GPD2: variants seen among roughly 807,000 people sequenced by gnomAD.
GPD2 encodes glycerol-3-phosphate dehydrogenase 2, also known as glycerol-3-phosphate dehydrogenase, mitochondrial.
A neutral mutation model predicts 82.4 loss-of-function variants in GPD2; 54 were observed. That is an observed-to-expected ratio of 0.66 (90% confidence interval 0.53 to 0.82). GPD2 has a LOEUF of 0.82. GPD2 is among the 40% of genes least tolerant of loss of function. The pLI is 0.00. For synonymous variants in GPD2, 288 were observed against 306.1 expected, an observed-to-expected ratio of 0.94 and a Z score of 0.62; for missense variants, 748 against 896.2, an observed-to-expected ratio of 0.83 and a Z score of 2.11.
chr2:156,472,421 A>G (rs1683364650), intron 1 of GPD2, among the ~76,000 whole-genome samples: 1 of 152,112 alleles, frequency 6.6e-6, no homozygotes. Flanking sequence ...CCGAGGCTCA[A>G]GGGATTCTCT....
Sources: gnomAD v4.1 joint callset for allele counts (sites outside exome capture counted in the v4.1 genomes callset) on GRCh38, gnomAD v4.1.1 for gene constraint, MANE v1.5 for transcripts, NCBI Gene and HGNC (gene_info 2026-07-23, HGNC 2026-07-21) for gene names.